The following ANO3 variants were observed in gnomAD, a reference collection of about 807,000 sequenced individuals.
ANO3 encodes the protein anoctamin 3.
A neutral mutation model predicts 144.8 loss-of-function variants in ANO3; 99 were observed. That is an observed-to-expected ratio of 0.68 (90% CI 0.58 to 0.81). The LOEUF (loss-of-function observed/expected upper bound fraction) is 0.81, where lower values mean the gene tolerates loss of function less well. ANO3 is among the 30% of genes least tolerant of loss of function. The pLI, the probability that ANO3 is intolerant of heterozygous loss-of-function variation, is 0.00. For missense variants in ANO3, 905 were observed against 1,202.2 expected (o/e 0.75, Z 3.66); for synonymous variants, 414 against 392.6 (o/e 1.05, Z -0.64).
intron 1 of ANO3, among the ~76,000 whole-genome samples, chr11:26,423,385 A>G (rs184281584): frequency 4.8e-4 from 71 of 148,992 alleles, no homozygotes; most frequent in Non-Finnish European, 7.3e-4. Context: ...CCAATACTGA[A>G]TTAATGCCTG....
chr11:26,516,648 A>G (rs2134152594), intron 5 of ANO3, among the ~76,000 whole-genome samples, 179 bp from the exon 6 acceptor site: 1 of 151,912 alleles, frequency 6.6e-6, no homozygotes, highest in East Asian at 1.9e-4. Flanking sequence ...TCATTATTAC[A>G]TTTTTATCAA....
At chr11:26,283,502 T>G (rs931031436) in intron 1 of ANO3, among the ~76,000 whole-genome samples, 1 of 151,416 alleles carries the variant, frequency 6.6e-6, no homozygotes, top group African/African-American at 2.4e-5. Flanking sequence ...TGTAAAACAT[T>G]CAACAATCAG....
upstream of ANO3, among the ~76,000 whole-genome samples, chr11:26,330,692 T>C (rs1232375497): frequency 6.6e-6 from 1 of 152,216 alleles, no homozygotes; most frequent in Non-Finnish European, 1.5e-5. Flanking sequence ...TAAATTTTAG[T>C]TTACAGCTTA....
chr11:26,544,790 G>A (rs1333201519), intron 11 of ANO3, among the ~76,000 whole-genome samples: 1 of 151,908 alleles, frequency 6.6e-6, no homozygotes, highest in Non-Finnish European at 1.5e-5. Context: ...GGTAATTCCA[G>A]CAAGCAGCCT....
At chr11:26,433,292 T>A (rs1247215589) in intron 1 of ANO3, among the ~76,000 whole-genome samples, 1 of 152,150 alleles carries the variant, frequency 6.6e-6, no homozygotes, top group East Asian at 1.9e-4. Context: ...GAGCTTTGGG[T>A]CTGAGACTAT....
At chr11:26,457,558 G>T (rs1277824248) in intron 3 of ANO3, among the ~76,000 whole-genome samples, 1 of 152,046 alleles carries the variant, frequency 6.6e-6, no homozygotes, top group Non-Finnish European at 1.5e-5. Flanking sequence ...GAGTAACTGT[G>T]TATAGATTCT....
chr11:26,372,080 A>T (rs887881098), intron 1 of ANO3, among the ~76,000 whole-genome samples: 2 of 152,176 alleles, frequency 1.3e-5, no homozygotes, highest in Admixed American at 1.3e-4. Flanking sequence ...CTCATCTTGA[A>T]TTGTAGTTCC....
At chr11:26,362,368 A>C (rs1038175727) in intron 1 of ANO3, among the ~76,000 whole-genome samples, 13 of 152,160 alleles carry the variant, frequency 8.5e-5, no homozygotes, top group African/African-American at 3.1e-4. Flanking sequence ...TATGTAACTT[A>C]AGTAAGTTCG....
At chr11:26,392,239 C>CTTT (rs33986969) in intron 1 of ANO3, among the ~76,000 whole-genome samples, 10,293 of 130,534 alleles carry the variant, frequency 0.079, 765 homozygotes, top group African/African-American at 0.19. Context: ...GAATTCCTGC[C>CTTT]TTTTTTTTTT....
chr11:26,578,060 GA>G (rs1851036785), intron 14 of ANO3, among the ~76,000 whole-genome samples: 1 of 152,186 alleles, frequency 6.6e-6, no homozygotes, highest in Non-Finnish European at 1.5e-5. Flanking sequence ...CCGAGTAGGA[GA>G]AAACAGTTTT....
chr11:26,548,029 G>A (rs1849833771), intron 12 of ANO3, among the ~76,000 whole-genome samples: 1 of 151,924 alleles, frequency 6.6e-6, no homozygotes, highest in African/African-American at 2.4e-5. Flanking sequence ...TATACTTAAA[G>A]ATGTCTAAAT....
chr11:26,328,310 T>C (rs545233998), upstream of ANO3, among the ~76,000 whole-genome samples: 5 of 152,338 alleles, frequency 3.3e-5, no homozygotes, highest in East Asian at 9.6e-4. Context: ...CCTTTTATGA[T>C]AGTATATGAC....
intron 1 of ANO3, among the ~76,000 whole-genome samples, chr11:26,292,882 C>A (rs557229052): frequency 6.6e-6 from 1 of 152,238 alleles, no homozygotes; most frequent in East Asian, 1.9e-4. Context: ...ACTCATGGGT[C>A]AGGGACCCAC....
chr11:26,648,470 G>A (rs1409365152), intron 24 of ANO3, among the ~76,000 whole-genome samples: 11 of 152,162 alleles, frequency 7.2e-5, no homozygotes, highest in Non-Finnish European at 1.0e-4. Context: ...GCAGAGGGCT[G>A]TCTTGTACAT....
In ANO3 at chr11:26,507,724, T is replaced by C. The variant is rs987425271; in HGVS notation, c.433-380T>C. On this transcript the variant is annotated intron_variant, in intron 4 of 26. Coordinates refer to ENST00000256737, the MANE Select transcript of ANO3 (RefSeq NM_031418.4). ...AAAGCACTTATGTCTGGTCATGATA[T>C]TTAGTAAATACTCAACATATGTTAG... Among the ~76,000 whole-genome samples, 3 of 152,306 alleles carry C rather than the reference T, an allele frequency of 2.0e-5. No homozygotes were observed. In the East Asian group the frequency reaches 5.8e-4, roughly 29 times the overall value.
chr11:26,330,376 A>C (rs965157100), upstream of ANO3, among the ~76,000 whole-genome samples: 5 of 152,278 alleles, frequency 3.3e-5, no homozygotes, highest in African/African-American at 1.2e-4. Context: ...ACAGTCTCTG[A>C]ACTGTGTTTT....
rs750189427 is a variant in ANO3 at position 26,559,731 on chromosome 11, T to A, written c.1399T>A (p.Phe467Ile). Reference sequence around the variant, plus strand: ...GTTTTCTACTCAGGTGACATATTTGTTCGATAATGGAGGGACAGTCTTCTT... The same window carrying A: ...GTTTTCTACTCAGGTGACATATTTGATCGATAATGGAGGGACAGTCTTCTT... ...SCIYAKVTYL[F>I]DNGGTVFFAI... Residue 467 changes from phenylalanine to isoleucine, a missense_variant, in exon 14 of 27, where the codon TTC (phenylalanine) becomes ATC (isoleucine). Around this residue, in one of 4 missense-constraint regions of ANO3, gnomAD observed 597 missense variants for 865.1 expected, o/e 0.69. Coordinates refer to ENST00000256737, the MANE Select transcript of ANO3 (RefSeq NM_031418.4). 6.2e-7 allele frequency: 1 copy of A among 1,611,828 alleles called. No individual in the cohort carries two copies. Among genetic ancestry groups the A allele is most frequent in the Non-Finnish European group, 8.5e-7 (1 of 1,178,326 alleles).
chr11:26,193,405 G>T (rs1851517238), intron 1 of ANO3, among the ~76,000 whole-genome samples: 1 of 152,072 alleles, frequency 6.6e-6, no homozygotes, highest in Non-Finnish European at 1.5e-5. Flanking sequence ...CTCCCAAAGT[G>T]CTGGGATTAC....
intron 1 of ANO3, among the ~76,000 whole-genome samples, chr11:26,424,848 A>C (rs188835091): frequency 6.6e-6 from 1 of 152,094 alleles, no homozygotes; most frequent in African/African-American, 2.4e-5. Flanking sequence ...ATTTCATTGA[A>C]TCTTGGGGGA....
Sources: allele counts gnomAD v4.1 joint callset (sites outside exome capture counted in the v4.1 genomes callset), GRCh38; gene constraint gnomAD v4.1.1; regional missense constraint gnomAD v4.1.1; transcripts MANE v1.5; gene names NCBI Gene and HGNC (gene_info 2026-07-23, HGNC 2026-07-21).